Variants in AFF2 observed in about 807,000 individuals in gnomAD.
AFF2 encodes the protein AF4/FMR2 family member 2.
Under a neutral mutation model 76.9 loss-of-function variants are expected in AFF2, and 14 were observed. The observed-to-expected ratio is 0.18, with a 90% CI of 0.12 to 0.28. The LOEUF (loss-of-function observed/expected upper bound fraction) is 0.28. Among genes scored for constraint, AFF2 ranks in the 10% least tolerant of loss-of-function variants. The pLI, the probability that AFF2 is intolerant of heterozygous loss-of-function variation, is 1.00. For synonymous variants in AFF2, 398 were observed against 366.7 expected (o/e 1.09, Z -0.98); for missense variants, 868 against 1,001.1 (o/e 0.87, Z 1.79).
chrX:148,924,822 T>C (rs190704480), intron 9 of AFF2, among the ~76,000 whole-genome samples: 9 of 112,321 alleles, frequency 8.0e-5, no homozygotes, highest in African/African-American at 2.9e-4. Context: ...AGGCTTACAC[T>C]GCTTCTGTTG....
intron 3 of AFF2, among the ~76,000 whole-genome samples, chrX:148,734,535 T>C (rs1337594549): frequency 8.9e-6 from 1 of 111,820 alleles, no homozygotes; most frequent in Non-Finnish European, 1.9e-5. Flanking sequence ...ACTACTACAT[T>C]ATCTTCCTTT....
chrX:148,795,743 C>G (rs2124627723), intron 3 of AFF2, among the ~76,000 whole-genome samples: 1 of 79,382 alleles, frequency 1.3e-5, no homozygotes, highest in Non-Finnish European at 2.3e-5. Flanking sequence ...GTGGAGGTTG[C>G]AGTGAGCCGA....
chrX:148,644,065 C>A (rs1196262504), intron 1 of AFF2, among the ~76,000 whole-genome samples: 1 of 111,494 alleles, frequency 9.0e-6, no homozygotes, highest in Non-Finnish European at 1.9e-5. Flanking sequence ...TGCACTCTTA[C>A]AATATTTTTG....
intron 1 of AFF2, among the ~76,000 whole-genome samples, chrX:148,508,669 A>T (rs2052451062): frequency 8.9e-6 from 1 of 112,198 alleles, no homozygotes; most frequent in African/African-American, 3.2e-5. Flanking sequence ...CAAATTTTTT[A>T]ATGAATTAAT....
chrX:148,849,810 C>T (rs1205621165), intron 7 of AFF2, among the ~76,000 whole-genome samples: 1 of 111,883 alleles, frequency 8.9e-6, no homozygotes, highest in Non-Finnish European at 1.9e-5. Flanking sequence ...GACTCCAGAA[C>T]ATATGCTCTT....
intron 3 of AFF2, among the ~76,000 whole-genome samples, chrX:148,691,185 C>T (rs1286259870): frequency 9.0e-6 from 1 of 111,321 alleles, no homozygotes; most frequent in East Asian, 2.8e-4. Context: ...TAGATTCTAC[C>T]CCAAAAGGGT....
intron 1 of AFF2, among the ~76,000 whole-genome samples, chrX:148,610,580 G>A (rs1170896207): frequency 1.8e-5 from 2 of 111,730 alleles, no homozygotes; most frequent in Non-Finnish European, 3.8e-5. Flanking sequence ...TTGTGTAGCT[G>A]CATCTTTTTT....
intron 1 of AFF2, among the ~76,000 whole-genome samples, chrX:148,561,763 A>G (rs781876765): frequency 7.2e-5 from 8 of 111,282 alleles, no homozygotes; most frequent in Non-Finnish European, 1.5e-4. Context: ...TTGGAAGCCT[A>G]CTTTACTTTT....
At chrX:148,833,612 A>T (rs1480780380) in intron 4 of AFF2, among the ~76,000 whole-genome samples, 7 of 110,125 alleles carry the variant, frequency 6.4e-5, no homozygotes, top group Admixed American at 9.7e-5. Flanking sequence ...AAAAAAAAAA[A>T]AAATAAAAAA....
chrX:148,808,774 C>T (rs1352189340), intron 3 of AFF2, among the ~76,000 whole-genome samples: 2 of 111,745 alleles, frequency 1.8e-5, no homozygotes, highest in Non-Finnish European at 3.8e-5. Context: ...ACAGAAGTGA[C>T]CATAATGCTG....
intron 9 of AFF2, among the ~76,000 whole-genome samples, chrX:148,921,858 C>T (rs1277297658): frequency 1.8e-5 from 2 of 112,157 alleles, no homozygotes; most frequent in African/African-American, 3.2e-5. Context: ...GTAAACTATT[C>T]GTCCTACTTG....
chrX:148,912,926 A>G (rs782192016), intron 9 of AFF2, among the ~76,000 whole-genome samples: 6 of 112,889 alleles, frequency 5.3e-5, no homozygotes, highest in Non-Finnish European at 1.9e-5. Flanking sequence ...TGTGCTTCCT[A>G]CATCCTCCCC....
At chrX:148,915,340 C>T (rs1025108719) in intron 9 of AFF2, among the ~76,000 whole-genome samples, 1 of 112,158 alleles carries the variant, frequency 8.9e-6, no homozygotes, top group African/African-American at 3.2e-5. Context: ...AAATCCAAGA[C>T]AGAATTGTTC....
intron 9 of AFF2, among the ~76,000 whole-genome samples, chrX:148,946,324 G>T (rs1314489979): frequency 8.9e-6 from 1 of 112,236 alleles, no homozygotes; most frequent in African/African-American, 3.2e-5. Flanking sequence ...CCTTCCCAGG[G>T]TGGGCTTATA....
chrX:148,654,640 G>C (rs1266624945), intron 2 of AFF2, among the ~76,000 whole-genome samples: 1 of 109,682 alleles, frequency 9.1e-6, no homozygotes, highest in Non-Finnish European at 1.9e-5. Context: ...TCCCGGAGGA[G>C]ATTAAAAATA....
chrX:148,806,096 C>T (rs886936895), intron 3 of AFF2, among the ~76,000 whole-genome samples: 1 of 112,845 alleles, frequency 8.9e-6, no homozygotes, highest in Non-Finnish European at 1.9e-5. Flanking sequence ...ACTCAACGGG[C>T]AGCAGTTCTA....
intron 3 of AFF2, among the ~76,000 whole-genome samples, chrX:148,696,227 C>G (rs1392242260): frequency 9.2e-6 from 1 of 108,882 alleles, no homozygotes; most frequent in African/African-American, 3.4e-5. Context: ...TTAGTTCTCA[C>G]TCATAGGTGG....
chrX:148,759,151 C>A (rs1404782091), intron 3 of AFF2, among the ~76,000 whole-genome samples: 1 of 112,046 alleles, frequency 8.9e-6, no homozygotes, highest in Non-Finnish European at 1.9e-5. Context: ...CAGATGAGAA[C>A]AGTTGGTCAT....
At chrX:148,735,717 C>T (rs1344483910) in intron 3 of AFF2, among the ~76,000 whole-genome samples, 10 of 110,759 alleles carry the variant, frequency 9.0e-5, no homozygotes, top group Admixed American at 7.8e-4. Flanking sequence ...GCACCCATTA[C>T]CCGAGCAGCA....
Sources: allele counts gnomAD v4.1 joint callset (sites outside exome capture counted in the v4.1 genomes callset), GRCh38; gene constraint gnomAD v4.1.1; transcripts MANE v1.5; gene names NCBI Gene and HGNC (gene_info 2026-07-23, HGNC 2026-07-21).